Variants in PKIB observed in about 807,000 individuals in gnomAD.
PKIB encodes cAMP-dependent protein kinase inhibitor beta.
A neutral mutation model predicts 4.5 loss-of-function variants in PKIB; 2 were observed. That is an observed-to-expected ratio of 0.44 (90% CI 0.18 to 1.39). The LOEUF is 1.39. Among genes scored for constraint, PKIB ranks in the 40% most tolerant of loss-of-function variants. PKIB has a pLI of 0.27. For synonymous variants in PKIB, 38 were observed against 36.0 expected (o/e 1.06, Z -0.20); for missense variants, 94 against 92.6 (o/e 1.02, Z -0.06).
chr6:122,615,712 G>A (rs1774953621), intron 1 of PKIB, among the ~76,000 whole-genome samples: 1 of 152,138 alleles, frequency 6.6e-6, no homozygotes, highest in South Asian at 2.1e-4. Flanking sequence ...AGAGGCAAGA[G>A]ACACAAAGAG....
At chr6:122,539,789 C>T (rs548013451) in intron 2 of PKIB, among the ~76,000 whole-genome samples, 20 of 152,074 alleles carry the variant, frequency 1.3e-4, no homozygotes, top group East Asian at 9.7e-4. Context: ...TGGTAGAATT[C>T]GGCTGTGAAT....
At chr6:122,626,674 C>G (rs1775457994) in intron 1 of PKIB, among the ~76,000 whole-genome samples, 1 of 152,186 alleles carries the variant, frequency 6.6e-6, no homozygotes, top group Admixed American at 6.5e-5. Context: ...TTGTGTTAAT[C>G]TTTTGCTATT....
At chr6:122,717,566 A>C (rs1779549579) in intron 3 of PKIB, 1 of 495,798 alleles carries the variant, frequency 2.0e-6, no homozygotes, top group African/African-American at 2.0e-5. Context: ...CTCAGGGGTT[A>C]TTTTTAGCAA....
At chr6:122,719,088 G>A (rs754132389) in intron 4 of PKIB, among the ~76,000 whole-genome samples, 33 of 152,226 alleles carry the variant, frequency 2.2e-4, no homozygotes, top group African/African-American at 7.5e-4. Flanking sequence ...GGAAGATGTC[G>A]TTGCTGTTCA....
At chr6:122,549,208 T>C (rs1168720238) in intron 2 of PKIB, among the ~76,000 whole-genome samples, 1 of 152,156 alleles carries the variant, frequency 6.6e-6, no homozygotes, top group East Asian at 1.9e-4. Flanking sequence ...AGTCAAAGAA[T>C]GTGAATAAAA....
At chr6:122,714,627 G>GC (rs1360753228) in intron 3 of PKIB, among the ~76,000 whole-genome samples, 5 of 152,116 alleles carry the variant, frequency 3.3e-5, no homozygotes, top group African/African-American at 1.2e-4. Context: ...CACTCCAAGG[G>GC]CCACTTTTTA....
chr6:122,573,521 CAAAAAAAA>C (rs61014475), intron 2 of PKIB, among the ~76,000 whole-genome samples: 1 of 87,590 alleles, frequency 1.1e-5, no homozygotes, highest in Non-Finnish European at 2.3e-5. Context: ...GACTCTGTCT[CAAAAAAAA>C]AAAAAAAAGA....
chr6:122,550,375 A>G (rs1419869547), intron 2 of PKIB, among the ~76,000 whole-genome samples: 3 of 152,152 alleles, frequency 2.0e-5, no homozygotes, highest in Admixed American at 6.5e-5. Flanking sequence ...GTTTACATCT[A>G]TATTTATTGC....
At chr6:122,504,087 G>A (rs969233069) in intron 2 of PKIB, among the ~76,000 whole-genome samples, 4 of 152,028 alleles carry the variant, frequency 2.6e-5, no homozygotes, top group Non-Finnish European at 5.9e-5. Context: ...TTCATTGCTG[G>A]CTCAGTGTTC....
At chr6:122,614,602 G>A (rs1774908581) in intron 1 of PKIB, among the ~76,000 whole-genome samples, 1 of 152,142 alleles carries the variant, frequency 6.6e-6, no homozygotes, top group South Asian at 2.1e-4. Flanking sequence ...GAAGTCCAGT[G>A]TGATAGCTTC....
intron 1 of PKIB, among the ~76,000 whole-genome samples, chr6:122,632,101 G>A (rs868004709): frequency 6.6e-6 from 1 of 152,144 alleles, no homozygotes. Context: ...GCTATGGCTG[G>A]GGAGAGTTGA....
rs534962832 is a variant in PKIB, at chr6:122,504,329, C to A, written c.-248+26390C>A. Among the ~76,000 whole-genome samples the A allele has an allele frequency of 4.1e-4, 62 of 152,248 alleles. 1 individual carries two copies. The highest frequency in any genetic ancestry group is 1.3e-3 in the African/African-American group (54 of 41,532). The stretch of plus-strand genomic sequence containing the variant: ...ATGCATTTTCCTTCTGATAAAATAA[C>A]TCATTTAACTATAAATTTCACCACA... On this transcript the variant is annotated intron_variant, in intron 2 of 6. Coordinates refer to the PKIB transcript ENST00000392491.
chr6:122,561,989 T>TTTGTG (rs1458041497), intron 2 of PKIB, among the ~76,000 whole-genome samples: 8 of 112,084 alleles, frequency 7.1e-5, no homozygotes, highest in South Asian at 6.6e-4. Flanking sequence ...TTTTTGTTTG[T>TTTGTG]TTTTGTTTTT....
At chr6:122,689,396 A>G (rs1448869427) in intron 3 of PKIB, among the ~76,000 whole-genome samples, 3 of 151,952 alleles carry the variant, frequency 2.0e-5, no homozygotes, top group Non-Finnish European at 4.4e-5. Flanking sequence ...GTAGGTGCTT[A>G]TTGCTATTAA....
At chr6:122,531,238 G>A (rs897980701) in intron 2 of PKIB, 1 of 152,068 alleles carries the variant, frequency 6.6e-6, no homozygotes, top group African/African-American at 2.4e-5. Context: ...TACAAAATTA[G>A]TTTCTGCTGC....
intron 3 of PKIB, among the ~76,000 whole-genome samples, chr6:122,700,429 T>C (rs1778765951): frequency 6.9e-6 from 1 of 145,262 alleles, no homozygotes; most frequent in Non-Finnish European, 1.5e-5. Flanking sequence ...CTTTATATGG[T>C]TTAAAGACCC....
intron 2 of PKIB, among the ~76,000 whole-genome samples, chr6:122,641,113 G>A (rs2114848864): frequency 6.6e-6 from 1 of 152,230 alleles, no homozygotes; most frequent in South Asian, 2.1e-4. Context: ...AGTATGCATT[G>A]TTCCAGTCTA....
At chr6:122,492,792 T>C (rs1775974810) in intron 2 of PKIB, among the ~76,000 whole-genome samples, 1 of 151,818 alleles carries the variant, frequency 6.6e-6, no homozygotes, top group African/African-American at 2.4e-5. Flanking sequence ...TTTTTTTAAT[T>C]TTCTCAATAT....
intron 3 of PKIB, among the ~76,000 whole-genome samples, chr6:122,593,114 A>G (rs1401052022): frequency 6.6e-6 from 1 of 152,170 alleles, no homozygotes; most frequent in Non-Finnish European, 1.5e-5. Flanking sequence ...CTTTACTGAG[A>G]GAATTTGTTT....
Sources: allele counts gnomAD v4.1 joint callset (sites outside exome capture counted in the v4.1 genomes callset), GRCh38; gene constraint gnomAD v4.1.1; transcripts MANE v1.5; gene names NCBI Gene and HGNC (gene_info 2026-07-23, HGNC 2026-07-21).